The following HDGFL2 variants were observed in gnomAD, a reference collection of about 807,000 sequenced individuals.
HDGFL2 encodes the protein hepatoma-derived growth factor-related protein 2.
In HDGFL2, 36 loss-of-function variants were observed where a neutral mutation model predicts 77.1. That is an observed-to-expected ratio of 0.47 (90% CI 0.36 to 0.62). The LOEUF (loss-of-function observed/expected upper bound fraction) is 0.62. HDGFL2 is among the 20% of genes least tolerant of loss of function. The pLI, the probability that HDGFL2 is intolerant of heterozygous loss-of-function variation, is 0.00. For synonymous variants in HDGFL2, 463 were observed against 413.1 expected (o/e 1.12, Z -1.46); for missense variants, 976 against 973.4 (o/e 1.00, Z -0.04).
At chr19:4,484,030 C>T (rs898762997) in intron 3 of HDGFL2, among the ~76,000 whole-genome samples, 32 of 150,760 alleles carry the variant, frequency 2.1e-4, no homozygotes, top group Non-Finnish European at 3.7e-4. Context: ...ACCTCGTGAT[C>T]TGCCTGCCTT....
chr19:4,497,947 CT>C lies in HDGFL2; in HGVS notation c.1329-9del. 2.6e-6 allele frequency: 4 copies of C among 1,551,538 alleles called. No individual in the cohort carries two copies. The highest frequency in any genetic ancestry group is 3.5e-6 in the Non-Finnish European group (4 of 1,146,954). On this transcript the variant is annotated splice_polypyrimidine_tract_variant and intron_variant, in intron 10 of 15. Coordinates refer to ENST00000616600, the MANE Select transcript of HDGFL2 (RefSeq NM_001001520.3). Reference sequence around the variant, plus strand: ...TGACGGGGCCCGACTGAGGGGAGCACTTCTCCACAGGCCCGTGAAGGTGGAG... The same window carrying C: ...TGACGGGGCCCGACTGAGGGGAGCACTCTCCACAGGCCCGTGAAGGTGGAG...
At position 4,472,315 on chromosome 19, in the gene HDGFL2, A is replaced by G. The variant is rs189680983; in HGVS notation, c.-36A>G. On this transcript the variant is annotated 5_prime_UTR_variant, in exon 1 of 16. Coordinates refer to ENST00000616600, the MANE Select transcript of HDGFL2 (RefSeq NM_001001520.3). ...CCGCCGCAGCCGCTACCGCCGCTGC[A>G]GCCGCTTTCCGCGGCCTGGGCCTCT... 3 of 1,457,182 alleles carry G rather than the reference A, an allele frequency of 2.1e-6. No individual in the cohort carries two copies. The highest frequency in any genetic ancestry group is 2.7e-6 in the Non-Finnish European group (3 of 1,100,308). The allele number at this position is 1,457,182 out of a possible 1,614,324, so 90.3% of individuals were successfully genotyped here.
At chr19:4,476,558 C>T (rs943885329) in intron 3 of HDGFL2, among the ~76,000 whole-genome samples, 8 of 151,384 alleles carry the variant, frequency 5.3e-5, no homozygotes, top group African/African-American at 7.3e-5. Flanking sequence ...TAGGAAAAGA[C>T]GTTTTTTTCT....
At chr19:4,500,659 C>T (rs1326335768) in intron 14 of HDGFL2, among the ~76,000 whole-genome samples, 1 of 152,128 alleles carries the variant, frequency 6.6e-6, no homozygotes, top group Non-Finnish European at 1.5e-5. Flanking sequence ...GATGGGGTTT[C>T]ACCGTGTTAT....
At chr19:4,501,477 C>T (rs764740534) in intron 15 of HDGFL2, 160 bp downstream of exon 15, 90 of 799,402 alleles carry the variant, frequency 1.1e-4, no homozygotes, top group Admixed American at 3.2e-4. Context: ...CCCAGGGCCC[C>T]GCTGGCTGGC....
chr19:4,484,666 A>ATTTTTT lies in HDGFL2; in HGVS notation c.289-3992_289-3987dup, dbSNP rs71168907. 1.8e-3 allele frequency among the ~76,000 whole-genome samples: 132 copies of ATTTTTT among 74,108 alleles called. 17 individuals carry two copies. Among genetic ancestry groups the ATTTTTT allele is most frequent in the Middle Eastern group, 0.028 (2 of 72 alleles). The allele number at this position is 74,108 out of a possible 152,430, so 48.6% of individuals were successfully genotyped here. Reference sequence around the variant, plus strand: ...AGGCACCCGCCATCACGCCTGGCTAATTTTTTTTTTTTTTTTTTTTTTTGA... The same window carrying ATTTTTT: ...AGGCACCCGCCATCACGCCTGGCTAATTTTTTTTTTTTTTTTTTTTTTTTTTTTTGA... On this transcript the variant is annotated intron_variant, in intron 3 of 15. Transcript: ENST00000616600.
In HDGFL2 at chr19:4,494,417, G is replaced by T; in HGVS notation, c.1166G>T (p.Arg389Leu). 1 of 1,407,482 alleles carries T rather than the reference G, an allele frequency of 7.1e-7. No homozygotes were observed. Among genetic ancestry groups the T allele is most frequent in the East Asian group, 2.9e-5 (1 of 34,240 alleles). 87.2% of individuals were successfully genotyped at this position (1,407,482 alleles called of 1,614,324 possible). Residue 389 changes from arginine (R) to leucine (L), a missense_variant, in exon 9 of 16, where the codon CGG becomes CTG. Arg to Leu is a moderately radical substitution (Grantham distance 102, BLOSUM62 -2). This residue lies in a region of HDGFL2 where 567 missense variants were observed against 534.7 expected (regional missense o/e 1.06). Coordinates refer to ENST00000616600, the MANE Select transcript of HDGFL2 (RefSeq NM_001001520.3). ...EPVKKRGRKG[R>L]GRGPPSSSDS... ...GTCAAGAAGCGGGGACGCAAGGGCC[G>T]GGGCCGGGGTCCCCCGTCCTCCTCT...
chr19:4,501,724 G>C (rs1472054786), intron 15 of HDGFL2, 187 bp from the exon 16 acceptor site: 5 of 528,572 alleles, frequency 9.5e-6, no homozygotes, highest in Admixed American at 3.8e-5. Flanking sequence ...CCTGGCTGGC[G>C]CCAGCGTGGG....
At position 4,491,755 on chromosome 19, in the gene HDGFL2, C is replaced by G. The variant is rs575337644; in HGVS notation, c.607-9C>G. The G allele has an allele frequency of 1.9e-6, 3 of 1,613,978 alleles. No homozygotes were observed. Among genetic ancestry groups the G allele is most frequent in the Non-Finnish European group, 2.5e-6 (3 of 1,180,000 alleles). ...GTGGGCCCCAGTTCAGCTCACTTCT[C>G]TCCCCCAGGACTTCACACCTGAGAA... On this transcript the variant is annotated splice_polypyrimidine_tract_variant and intron_variant, in intron 5 of 15. Transcript: ENST00000616600.
Position 4,493,969 on chromosome 19 carries a change from C to T in HDGFL2, c.839-13C>T. On this transcript the variant is annotated splice_polypyrimidine_tract_variant and intron_variant, in intron 7 of 15. Coordinates refer to ENST00000616600, the MANE Select transcript of HDGFL2 (RefSeq NM_001001520.3). The stretch of plus-strand genomic sequence containing the variant: ...CTGGAAGGGAAGGTCACCCCCTCCT[C>T]CTCTTCCTGTAGCGGAGAAGCCTCT... The T allele has an allele frequency of 6.2e-7, 1 of 1,604,732 alleles. No homozygotes were observed.
chr19:4,490,212 T>C (rs1411648597), intron 4 of HDGFL2, among the ~76,000 whole-genome samples: 1 of 152,202 alleles, frequency 6.6e-6, no homozygotes, highest in Non-Finnish European at 1.5e-5. Context: ...CTCAGCCTCC[T>C]GAGTAACTGG....
In HDGFL2 at chr19:4,499,410, G is replaced by A. The variant is rs1032290231; in HGVS notation, c.1576-81G>A. On this transcript the variant is annotated intron_variant, in intron 13 of 15. Coordinates refer to ENST00000616600, the MANE Select transcript of HDGFL2 (RefSeq NM_001001520.3). ...TCCCGGGAGGGGCTGCGGGAGGGGC[G>A]CATTGCTGGGGCGAGGGGTTCAGAG... 671 of 1,256,710 alleles carry A rather than the reference G, an allele frequency of 5.3e-4. 2 individuals are homozygous for A. The highest frequency in any genetic ancestry group is 6.2e-4 in the Non-Finnish European group (561 of 897,908). The allele number at this position is 1,256,710 out of a possible 1,614,324, so 77.8% of individuals were successfully genotyped here.
intron 9 of HDGFL2, among the ~76,000 whole-genome samples, chr19:4,495,677 GCACTGGACAGGGTAGGGACAGGCCCT>G (rs1181122019): frequency 6.6e-6 from 1 of 152,142 alleles, no homozygotes; most frequent in Non-Finnish European, 1.5e-5. Context: ...GCCATGGAGG[GCACTGGACAGGGTAGGGACAGGCCCT>G]CACTCGGGTG....
intron 3 of HDGFL2, among the ~76,000 whole-genome samples, chr19:4,476,745 C>T (rs909213297): frequency 6.6e-6 from 1 of 151,266 alleles, no homozygotes; most frequent in Non-Finnish European, 1.5e-5. Flanking sequence ...TTTAGAAAAG[C>T]GGAAGGCAAA....
chr19:4,475,505 G>A lies in HDGFL2; in HGVS notation c.210G>A (p.Lys70=). The A allele has an allele frequency of 5.0e-6, 8 of 1,605,846 alleles. No homozygotes were observed. Among genetic ancestry groups the A allele is most frequent in the Non-Finnish European group, 6.8e-6 (8 of 1,177,982 alleles). The change falls in exon 3 of 16, where the codon AAG becomes AAA. Residue 70 remains lysine (K), a synonymous_variant. Coordinates refer to ENST00000616600, the MANE Select transcript of HDGFL2 (RefSeq NM_001001520.3). The stretch of plus-strand genomic sequence containing the variant: ...ACAAATGTAAAGACAAGTACGGGAA[G>A]CCCAACAAGAGGAAAGGCTTCAATG... ...PYDKCKDKYG[K]PNKRKGFNEG...
rs1975435198 is a variant in HDGFL2 at position 4,488,941 on chromosome 19, G to GCT, written c.489+69_489+70dup. The GCT allele has an allele frequency of 2.5e-5, 29 of 1,178,902 alleles. 1 individual carries two copies. In the South Asian group the frequency reaches 3.9e-4, roughly 16 times the overall value. The allele number at this position is 1,178,902 out of a possible 1,614,324, so 73.0% of individuals were successfully genotyped here. A position where few individuals can be genotyped will look rare whatever the true frequency, so the allele number is the denominator to read the frequency against. The stretch of plus-strand genomic sequence containing the variant: ...GCCCTGATGTCTCGCCTGGCAGCTT[G>GCT]CTCTCCTGCCCTTTTTTTTTTTTTT... On this transcript the variant is annotated intron_variant, in intron 4 of 15. Coordinates refer to ENST00000616600, the MANE Select transcript of HDGFL2 (RefSeq NM_001001520.3).
At chr19:4,479,579 TAAAAA>T (rs566085453) in intron 3 of HDGFL2, among the ~76,000 whole-genome samples, 3 of 122,004 alleles carry the variant, frequency 2.5e-5, no homozygotes, top group African/African-American at 9.4e-5. Flanking sequence ...AGATTCCATC[TAAAAA>T]AAAAAAAAAA....
intron 1 of HDGFL2, among the ~76,000 whole-genome samples, 186 bp downstream of exon 1, chr19:4,472,608 G>A (rs1310900865): frequency 6.6e-6 from 1 of 151,154 alleles, no homozygotes; most frequent in African/African-American, 2.4e-5. Context: ...GGGGTCTGGG[G>A]GTCCTGGGCC....
Position 4,475,300 on chromosome 19 carries a change from T to G in HDGFL2, c.98T>G (p.Val33Gly). 6.2e-7 allele frequency: 1 copy of G among 1,613,976 alleles called. No individual in the cohort carries two copies. The change falls in exon 2 of 16, where the codon GTG (valine) becomes GGG (glycine). Residue 33 changes from valine to glycine, a missense_variant. Physicochemically the swap from Val to Gly is moderately radical, Grantham distance 109 (BLOSUM62 -3). Coordinates refer to ENST00000616600, the MANE Select transcript of HDGFL2 (RefSeq NM_001001520.3). ...ATCGACGACATCGCGGATGGCGCCG[T>G]GAAGCCCCCACCCAACAAGTACCCC... Reference protein sequence around the residue: ...ARIDDIADGAVKPPPNKYPIF... With the variant: ...ARIDDIADGAGKPPPNKYPIF...
Sources: gnomAD v4.1 joint callset for allele counts (sites outside exome capture counted in the v4.1 genomes callset) on GRCh38, gnomAD v4.1.1 for gene constraint, gnomAD v4.1.1 regional missense constraint, MANE v1.5 for transcripts, NCBI Gene and HGNC (gene_info 2026-07-23, HGNC 2026-07-21) for gene names.